The following MAPK10 variants were observed in gnomAD, a reference collection of about 807,000 sequenced individuals.
The protein encoded by MAPK10 is JNK3 alpha protein kinase.
A neutral mutation model predicts 59.3 loss-of-function variants in MAPK10; 25 were observed. That is an observed-to-expected ratio of 0.42 (90% CI 0.31 to 0.59). The LOEUF (loss-of-function observed/expected upper bound fraction) is 0.59. MAPK10 is among the 20% of genes least tolerant of loss of function. The pLI is 0.15. For synonymous variants in MAPK10, 190 were observed against 200.5 expected (o/e 0.95, Z 0.44); for missense variants, 351 against 568.9 (o/e 0.62, Z 3.90).
At chr4:86,294,018 C>A (rs761130738) in intron 2 of MAPK10, among the ~76,000 whole-genome samples, 14 of 152,184 alleles carry the variant, frequency 9.2e-5, no homozygotes, top group Non-Finnish European at 1.8e-4. Flanking sequence ...TGCAGGACAA[C>A]CCAGAAGTGC....
At chr4:86,386,883 G>A (rs1044629363) in intron 1 of MAPK10, among the ~76,000 whole-genome samples, 2 of 152,138 alleles carry the variant, frequency 1.3e-5, no homozygotes, top group Non-Finnish European at 2.9e-5. Flanking sequence ...TCAAGATTGG[G>A]CTAGGATATC....
chr4:86,143,725 G>A (rs1232330983), intron 4 of MAPK10, among the ~76,000 whole-genome samples: 1 of 152,056 alleles, frequency 6.6e-6, no homozygotes, highest in African/African-American at 2.4e-5. Context: ...TGTATTAAAT[G>A]GAATGGAATA....
At chr4:86,136,839 G>C (rs1453818262) in intron 4 of MAPK10, among the ~76,000 whole-genome samples, 3 of 151,768 alleles carry the variant, frequency 2.0e-5, no homozygotes, top group African/African-American at 7.3e-5. Flanking sequence ...GATGGAGGAA[G>C]ATCTACCAAG....
intron 4 of MAPK10, among the ~76,000 whole-genome samples, chr4:86,121,009 A>G (rs1242917864): frequency 7.2e-5 from 11 of 152,212 alleles, no homozygotes; most frequent in Admixed American, 6.5e-4. Flanking sequence ...CTAAATTTCT[A>G]TTTCTTATAT....
chr4:86,493,945 G>A (rs933410642), intron 1 of MAPK10, among the ~76,000 whole-genome samples: 6 of 152,074 alleles, frequency 3.9e-5, no homozygotes, highest in African/African-American at 1.4e-4. Context: ...GAATATTAAA[G>A]GCACTGTAAT....
chr4:86,092,681 G>A (rs976532822), intron 9 of MAPK10, among the ~76,000 whole-genome samples: 1 of 151,756 alleles, frequency 6.6e-6, no homozygotes, highest in Non-Finnish European at 1.5e-5. Flanking sequence ...AAATTGTCAG[G>A]TATTACAATG....
intron 2 of MAPK10, chr4:86,336,749 C>T (rs1721630003): frequency 6.6e-6 from 1 of 151,496 alleles, no homozygotes; most frequent in Non-Finnish European, 1.5e-5. Context: ...TCTCCTTCCA[C>T]CAAAATATAA....
intron 9 of MAPK10, among the ~76,000 whole-genome samples, chr4:86,069,544 G>T (rs995737913): frequency 6.6e-6 from 1 of 152,004 alleles, no homozygotes; most frequent in Non-Finnish European, 1.5e-5. Flanking sequence ...TCTTAGACAT[G>T]AGCCTGTATT....
At chr4:86,346,185 G>C (rs1356709393) in intron 2 of MAPK10, among the ~76,000 whole-genome samples, 2 of 152,176 alleles carry the variant, frequency 1.3e-5, no homozygotes, top group African/African-American at 4.8e-5. Context: ...CAACAGGATA[G>C]TAGGATAGTC....
intron 1 of MAPK10, among the ~76,000 whole-genome samples, chr4:86,489,986 C>G (rs1191892223): frequency 6.6e-6 from 1 of 152,134 alleles, no homozygotes; most frequent in Non-Finnish European, 1.5e-5. Flanking sequence ...AATAACAAGC[C>G]AAGTATGGTT....
At chr4:86,500,402 GT>G (rs1382157045) in intron 1 of MAPK10, among the ~76,000 whole-genome samples, 1 of 152,086 alleles carries the variant, frequency 6.6e-6, no homozygotes, top group Non-Finnish European at 1.5e-5. Context: ...AAAAAGATAA[GT>G]TTGCGTACTG....
intron 4 of MAPK10, among the ~76,000 whole-genome samples, chr4:86,138,839 C>T (rs538599882): frequency 3.3e-5 from 5 of 152,192 alleles, no homozygotes; most frequent in South Asian, 2.1e-4. Flanking sequence ...TCAGCAAAGT[C>T]TCAGGATACA....
At chr4:86,420,493 A>C (rs1348576682) in intron 1 of MAPK10, among the ~76,000 whole-genome samples, 1 of 152,160 alleles carries the variant, frequency 6.6e-6, no homozygotes, top group Non-Finnish European at 1.5e-5. Flanking sequence ...TTGCCTTTAA[A>C]AACTCAATTT....
At chr4:86,172,781 A>C (rs1210776749) in intron 3 of MAPK10, among the ~76,000 whole-genome samples, 2 of 147,856 alleles carry the variant, frequency 1.4e-5, no homozygotes, top group East Asian at 3.9e-4. Flanking sequence ...AATAAGTAAA[A>C]AATTAAAAAA....
intron 2 of MAPK10, among the ~76,000 whole-genome samples, chr4:86,214,701 T>C (rs1206315615): frequency 3.3e-5 from 5 of 151,882 alleles, no homozygotes; most frequent in African/African-American, 1.2e-4. Flanking sequence ...AGGAATTGAC[T>C]TAACCAAGAA....
chr4:86,437,806 T>G (rs2149045461), intron 1 of MAPK10, among the ~76,000 whole-genome samples: 1 of 152,288 alleles, frequency 6.6e-6, no homozygotes, highest in South Asian at 2.1e-4. Context: ...CATAACAGCA[T>G]TAACTGTACA....
At chr4:86,287,948 T>C (rs187103181) in intron 2 of MAPK10, among the ~76,000 whole-genome samples, 39 of 152,270 alleles carry the variant, frequency 2.6e-4, no homozygotes, top group Admixed American at 1.6e-3. Context: ...CTAGATACAG[T>C]CTTCTGAGGT....
chr4:86,198,207 CCTT>C (rs2081834943), intron 2 of MAPK10, among the ~76,000 whole-genome samples: 1 of 152,104 alleles, frequency 6.6e-6, no homozygotes, highest in Non-Finnish European at 1.5e-5. Context: ...GGTAGTGTCT[CCTT>C]CTGGAGAAAA....
intron 1 of MAPK10, among the ~76,000 whole-genome samples, chr4:86,524,464 T>G (rs974167425): frequency 2.6e-5 from 4 of 152,166 alleles, no homozygotes; most frequent in Middle Eastern, 3.2e-3. Flanking sequence ...CTCAATTCAG[T>G]TCTTGCACAT....
Sources: gnomAD v4.1 joint callset for allele counts (sites outside exome capture counted in the v4.1 genomes callset) on GRCh38, gnomAD v4.1.1 for gene constraint, MANE v1.5 for transcripts, NCBI Gene and HGNC (gene_info 2026-07-23, HGNC 2026-07-21) for gene names.